Variants in DEPDC1B observed in about 807,000 individuals in gnomAD.
DEPDC1B encodes DEP domain-containing protein 1B.
DEPDC1B carries 51 observed loss-of-function variants against 66.5 expected under a neutral mutation model. The observed-to-expected ratio is 0.77, with a 90% CI of 0.61 to 0.97. The LOEUF is 0.97. Ranked by LOEUF, DEPDC1B falls within the 50% of genes least tolerant of loss-of-function variation. The pLI is 0.00. For synonymous variants in DEPDC1B, 226 were observed against 223.6 expected, an observed-to-expected ratio of 1.01 and a Z score of -0.10; for missense variants, 552 against 637.1, an observed-to-expected ratio of 0.87 and a Z score of 1.44.
chr5:60,677,029 T>C (rs1460009936), intron 2 of DEPDC1B, among the ~76,000 whole-genome samples: 1 of 152,146 alleles, frequency 6.6e-6, no homozygotes, highest in Non-Finnish European at 1.5e-5. Context: ...GGGAGGGATA[T>C]GTGAGGAAGG....
At chr5:60,632,496 G>A (rs545028860) in intron 7 of DEPDC1B, among the ~76,000 whole-genome samples, 4 of 152,290 alleles carry the variant, frequency 2.6e-5, no homozygotes, top group African/African-American at 7.2e-5. Context: ...CAGGCCCAGC[G>A]GCCACACGGA....
chr5:60,671,222 G>A (rs571194847), intron 2 of DEPDC1B, among the ~76,000 whole-genome samples: 18 of 152,308 alleles, frequency 1.2e-4, no homozygotes, highest in African/African-American at 4.1e-4. Context: ...CTGCAGCAAT[G>A]AGACTAACTG....
chr5:60,668,767 T>C lies in DEPDC1B; in HGVS notation c.314+18195A>G, dbSNP rs540012246. Among the ~76,000 whole-genome samples, 10 of 152,250 alleles carry C rather than the reference T, an allele frequency of 6.6e-5. No homozygotes were observed. In the East Asian group the frequency reaches 7.7e-4, roughly 12 times the overall value. ...GAAACAGAATTTCACACACATCAAA[T>C]TGGCAAAAGTTTAAGTCAACATCAA... On this transcript the variant is annotated intron_variant, in intron 2 of 10. Transcript: ENST00000265036.
intron 2 of DEPDC1B, among the ~76,000 whole-genome samples, chr5:60,658,615 G>C (rs1328718051): frequency 6.6e-6 from 1 of 152,048 alleles, no homozygotes; most frequent in Non-Finnish European, 1.5e-5. Flanking sequence ...CAACTAATCA[G>C]GTAGTAAAGA....
intron 7 of DEPDC1B, among the ~76,000 whole-genome samples, chr5:60,622,342 G>A (rs756427187): frequency 2.0e-5 from 3 of 151,902 alleles, no homozygotes; most frequent in Non-Finnish European, 2.9e-5. Flanking sequence ...TTTATCACTC[G>A]GCATATTTTT....
intron 4 of DEPDC1B, 80 bp downstream of exon 4, chr5:60,645,412 T>G: frequency 7.5e-7 from 1 of 1,328,482 alleles, no homozygotes; most frequent in Non-Finnish European, 1.0e-6. Flanking sequence ...TTTCAGAAAA[T>G]TAAATATGCA....
intron 7 of DEPDC1B, among the ~76,000 whole-genome samples, chr5:60,634,489 G>A (rs1752996207): frequency 1.3e-5 from 2 of 151,864 alleles, no homozygotes; most frequent in East Asian, 1.9e-4. Flanking sequence ...TGGCTAACAC[G>A]GTGAAACCCC....
At chr5:60,691,211 AC>A (rs1046440575) in intron 1 of DEPDC1B, among the ~76,000 whole-genome samples, 3 of 151,956 alleles carry the variant, frequency 2.0e-5, no homozygotes, top group Admixed American at 2.0e-4. Flanking sequence ...GCGCCACCAC[AC>A]CCAGCTTATT....
Position 60,663,394 on chromosome 5 carries a change from C to G in DEPDC1B, c.315-15861G>C, listed in dbSNP as rs571303663. Among the ~76,000 whole-genome samples, 19 of 152,280 alleles carry G rather than the reference C, an allele frequency of 1.2e-4. No homozygotes were observed. The South Asian group carries it at 3.1e-3, about 25-fold the overall frequency. On this transcript the variant is annotated intron_variant, in intron 2 of 10. Coordinates refer to ENST00000265036, the MANE Select transcript of DEPDC1B (RefSeq NM_018369.3). ...TTTAGGAGTACAGAAACCCAACGGACAGTGGAGGTTAGTGCAAGATCTCAG... is the reference window on the plus strand; with the variant it reads ...TTTAGGAGTACAGAAACCCAACGGAGAGTGGAGGTTAGTGCAAGATCTCAG...
intron 2 of DEPDC1B, among the ~76,000 whole-genome samples, 200 bp downstream of exon 2, chr5:60,686,762 G>T (rs919401082): frequency 6.6e-6 from 1 of 152,162 alleles, no homozygotes; most frequent in Non-Finnish European, 1.5e-5. Flanking sequence ...CACAGCTCTG[G>T]TATGCTCTAA....
intron 1 of DEPDC1B, among the ~76,000 whole-genome samples, chr5:60,692,363 A>T (rs1754565544): frequency 6.6e-6 from 1 of 152,200 alleles, no homozygotes; most frequent in Non-Finnish European, 1.5e-5. Flanking sequence ...GAGGTGATGG[A>T]TATGGTAATT....
intron 6 of DEPDC1B, among the ~76,000 whole-genome samples, chr5:60,641,104 C>T (rs1397691546): frequency 3.3e-5 from 5 of 152,290 alleles, no homozygotes; most frequent in African/African-American, 9.6e-5. Flanking sequence ...ACATGAAGAT[C>T]ATTAGTAATT....
At chr5:60,659,299 T>C (rs1221683865) in intron 2 of DEPDC1B, among the ~76,000 whole-genome samples, 1 of 152,024 alleles carries the variant, frequency 6.6e-6, no homozygotes, top group Non-Finnish European at 1.5e-5. Flanking sequence ...GTGGCCCATA[T>C]GGGGATTCTC....
Position 60,687,267 on chromosome 5 carries a change from A to AT in DEPDC1B, c.49-41dup, listed in dbSNP as rs746828576. ...GAGAATGGCATTTAGTAATCAACTG[A>AT]TTTTTTTAAGATTACTACATCTCAA... On this transcript the variant is annotated intron_variant, in intron 1 of 10. Transcript: ENST00000265036. The AT allele has an allele frequency of 9.6e-6, 15 of 1,563,370 alleles. No homozygotes were observed. In the Admixed American group the frequency reaches 1.5e-4, roughly 16 times the overall value.
intron 1 of DEPDC1B, among the ~76,000 whole-genome samples, chr5:60,692,509 A>C (rs1370324383): frequency 1.3e-5 from 2 of 152,120 alleles, no homozygotes; most frequent in Non-Finnish European, 2.9e-5. Flanking sequence ...AATAAGAAAA[A>C]AGGTAGGCAA....
intron 2 of DEPDC1B, among the ~76,000 whole-genome samples, chr5:60,667,031 G>T (rs939109815): frequency 1.3e-5 from 2 of 152,178 alleles, no homozygotes; most frequent in South Asian, 2.1e-4. Context: ...AAAGTTTGGG[G>T]TAGATTGTTT....
Position 60,679,388 on chromosome 5 carries a change from C to T in DEPDC1B, c.314+7574G>A, listed in dbSNP as rs556236065. Among the ~76,000 whole-genome samples the T allele has an allele frequency of 7.2e-5, 11 of 151,908 alleles. No homozygotes were observed. In the South Asian group the frequency reaches 8.3e-4, roughly 11 times the overall value. Reference sequence around the variant, plus strand: ...AAGTAACATTATTCAATAAATCTGGCGATAGCTACATAACAAACTTTAGTT... The same window carrying T: ...AAGTAACATTATTCAATAAATCTGGTGATAGCTACATAACAAACTTTAGTT... On this transcript the variant is annotated intron_variant, in intron 2 of 10. Coordinates refer to ENST00000265036, the MANE Select transcript of DEPDC1B (RefSeq NM_018369.3).
chr5:60,670,785 A>C (rs2111983943), intron 2 of DEPDC1B, among the ~76,000 whole-genome samples: 2 of 152,320 alleles, frequency 1.3e-5, no homozygotes, highest in South Asian at 4.1e-4. Flanking sequence ...TGGGCTCTGC[A>C]ATTAGCAGTC....
intron 7 of DEPDC1B, among the ~76,000 whole-genome samples, chr5:60,616,861 GA>G (rs1213674284): frequency 1.3e-5 from 2 of 152,110 alleles, no homozygotes; most frequent in African/African-American, 4.8e-5. Flanking sequence ...TGAAATGAAG[GA>G]AAAAATGTTA....
Sources: gnomAD v4.1 joint callset for allele counts (sites outside exome capture counted in the v4.1 genomes callset) on GRCh38, gnomAD v4.1.1 for gene constraint, MANE v1.5 for transcripts, NCBI Gene and HGNC (gene_info 2026-07-23, HGNC 2026-07-21) for gene names.